Variants in ERBB4 observed in about 807,000 individuals in gnomAD.
The protein encoded by ERBB4 is receptor tyrosine-protein kinase erbB-4.
In ERBB4, 42 loss-of-function variants were observed where a neutral mutation model predicts 158.0. The observed-to-expected ratio is 0.27, with a 90% confidence interval of 0.21 to 0.34. ERBB4 has a LOEUF of 0.34. ERBB4 is among the 10% of genes least tolerant of loss of function. The probability of loss-of-function intolerance (pLI) is 1.00; values close to 1 mark genes in which losing one functional copy is unlikely to be tolerated. For synonymous variants in ERBB4, 583 were observed against 558.7 expected (o/e 1.04, Z -0.61); for missense variants, 1,333 against 1,624.1 (o/e 0.82, Z 3.08).
At chr2:211,808,395 A>C (rs1236521010) in intron 3 of ERBB4, among the ~76,000 whole-genome samples, 1 of 151,756 alleles carries the variant, frequency 6.6e-6, no homozygotes, top group Admixed American at 6.6e-5. Flanking sequence ...TCCTTTCCCC[A>C]TTGCTTTTTT....
At chr2:211,666,834 A>T (rs558199457) in intron 14 of ERBB4, among the ~76,000 whole-genome samples, 26 of 152,348 alleles carry the variant, frequency 1.7e-4, no homozygotes, top group African/African-American at 6.0e-4. Context: ...ATGGAAAACA[A>T]CTTAAATAAA....
In ERBB4 at chr2:211,761,273, T is replaced by A. The variant is rs142789175; in HGVS notation, c.557-10569A>T. Among the ~76,000 whole-genome samples, 82 of 151,742 alleles carry A rather than the reference T, an allele frequency of 5.4e-4. 2 individuals carry two copies. In the South Asian group the frequency reaches 8.3e-3, roughly 15 times the overall value. On this transcript the variant is annotated intron_variant, in intron 4 of 27. Transcript: ENST00000342788. Reference sequence around the variant, plus strand: ...TTTTAAAGGTAGAAATTTTAATTAATCTTCACACTTCCTAACATACTATGA... The same window carrying A: ...TTTTAAAGGTAGAAATTTTAATTAAACTTCACACTTCCTAACATACTATGA...
chr2:212,359,944 G>C (rs559553611), intron 1 of ERBB4, among the ~76,000 whole-genome samples: 18 of 151,242 alleles, frequency 1.2e-4, no homozygotes, highest in Middle Eastern at 3.2e-3. Flanking sequence ...GAAGTCAAAC[G>C]TGTAACTTTT....
chr2:212,411,071 A>G (rs1465585546), intron 1 of ERBB4, among the ~76,000 whole-genome samples: 1 of 152,170 alleles, frequency 6.6e-6, no homozygotes, highest in Non-Finnish European at 1.5e-5. Flanking sequence ...AAAATGGCTT[A>G]AACTATTTCA....
chr2:212,290,749 A>G (rs2086176269), intron 1 of ERBB4, among the ~76,000 whole-genome samples: 1 of 152,148 alleles, frequency 6.6e-6, no homozygotes, highest in Non-Finnish European at 1.5e-5. Context: ...CTTAAGTTAA[A>G]AAAGAAAATA....
intron 3 of ERBB4, among the ~76,000 whole-genome samples, chr2:211,870,603 T>A (rs1490594592): frequency 6.6e-6 from 1 of 152,152 alleles, no homozygotes; most frequent in Non-Finnish European, 1.5e-5. Context: ...GCACCCTTTG[T>A]GGTAATATAA....
chr2:212,073,399 T>C (rs1208083719), intron 2 of ERBB4, among the ~76,000 whole-genome samples: 3 of 152,112 alleles, frequency 2.0e-5, no homozygotes, highest in East Asian at 3.9e-4. Context: ...AATTAATCCA[T>C]TGGTGAAAGT....
At chr2:211,618,987 T>C (rs1297091731) in intron 19 of ERBB4, among the ~76,000 whole-genome samples, 190 bp downstream of exon 19, 3 of 152,132 alleles carry the variant, frequency 2.0e-5, no homozygotes. Context: ...CAGACAGTTG[T>C]GAAGCAAAAG....
At chr2:211,830,570 G>A (rs2077198192) in intron 3 of ERBB4, among the ~76,000 whole-genome samples, 1 of 151,592 alleles carries the variant, frequency 6.6e-6, no homozygotes, top group Non-Finnish European at 1.5e-5. Flanking sequence ...TAACTTTATA[G>A]TAGCTTCTAA....
intron 1 of ERBB4, among the ~76,000 whole-genome samples, chr2:212,249,886 A>G (rs1459063315): frequency 6.6e-6 from 1 of 152,054 alleles, no homozygotes; most frequent in Non-Finnish European, 1.5e-5. Flanking sequence ...GTATATGAAT[A>G]TAGTAAAGAA....
At chr2:212,386,760 T>C (rs186366026) in intron 1 of ERBB4, among the ~76,000 whole-genome samples, 4 of 152,170 alleles carry the variant, frequency 2.6e-5, no homozygotes, top group Admixed American at 2.0e-4. Context: ...CTTGTTCTTT[T>C]AGAATTAAGT....
chr2:212,344,876 C>G (rs140581210), intron 1 of ERBB4, among the ~76,000 whole-genome samples: 34 of 152,212 alleles, frequency 2.2e-4, no homozygotes, highest in African/African-American at 7.5e-4. Flanking sequence ...TAATTAAACT[C>G]TAAGACTCTT....
At chr2:211,538,345 T>G (rs2066710937) in intron 20 of ERBB4, among the ~76,000 whole-genome samples, 1 of 151,886 alleles carries the variant, frequency 6.6e-6, no homozygotes, top group Admixed American at 6.6e-5. Context: ...TGTATGTTCC[T>G]TATACAATAG....
intron 20 of ERBB4, among the ~76,000 whole-genome samples, chr2:211,520,519 G>A (rs2066158118): frequency 6.6e-6 from 1 of 152,046 alleles, no homozygotes. Flanking sequence ...AGAAGAGAAG[G>A]GGAGAGGGTT....
At chr2:211,943,035 A>G (rs2080549272) in intron 3 of ERBB4, among the ~76,000 whole-genome samples, 1 of 152,168 alleles carries the variant, frequency 6.6e-6, no homozygotes, top group Admixed American at 6.5e-5. Context: ...AAAATAGATA[A>G]GAACTTAAGT....
chr2:211,750,798 T>C, intron 4 of ERBB4, 94 bp from the exon 5 acceptor site: 1 of 1,058,362 alleles, frequency 9.4e-7, no homozygotes, highest in South Asian at 1.3e-5. Flanking sequence ...TCCTGCTCCT[T>C]TATGAGGATT....
At chr2:211,987,037 C>T (rs981296278) in intron 2 of ERBB4, among the ~76,000 whole-genome samples, 2 of 152,010 alleles carry the variant, frequency 1.3e-5, no homozygotes, top group African/African-American at 4.8e-5. Flanking sequence ...AAATCTATCA[C>T]ACAGTGGGTG....
intron 3 of ERBB4, among the ~76,000 whole-genome samples, chr2:211,789,746 G>T (rs1214623008): frequency 6.6e-6 from 1 of 152,038 alleles, no homozygotes; most frequent in Non-Finnish European, 1.5e-5. Context: ...CATCTCTCTT[G>T]TGTGGAACCC....
Position 211,513,984 on chromosome 2 carries a change from C to T in ERBB4, c.2487+47919G>A, listed in dbSNP as rs531363876. Among the ~76,000 whole-genome samples, 8 of 152,260 alleles carry T rather than the reference C, an allele frequency of 5.3e-5. No homozygotes were observed. The South Asian group carries it at 1.7e-3, about 31-fold the overall frequency. The stretch of plus-strand genomic sequence containing the variant: ...ATTATTCATTTGTGTTGGGAACCTT[C>T]TAAAGCTTCTCTTCTAGCTATTTTG... On this transcript the variant is annotated intron_variant, in intron 20 of 27. Transcript: ENST00000342788.
Sources: allele counts gnomAD v4.1 joint callset (sites outside exome capture counted in the v4.1 genomes callset), GRCh38; gene constraint gnomAD v4.1.1; transcripts MANE v1.5; gene names NCBI Gene and HGNC (gene_info 2026-07-23, HGNC 2026-07-21).